CEP85: variants seen among roughly 807,000 people sequenced by gnomAD.
The protein encoded by CEP85 is centrosomal protein 85.
Under a neutral mutation model 93.7 loss-of-function variants are expected in CEP85, and 58 were observed. That is an observed-to-expected ratio of 0.62 (90% CI 0.50 to 0.77). The LOEUF (loss-of-function observed/expected upper bound fraction) is 0.77. Among genes scored for constraint, CEP85 ranks in the 30% least tolerant of loss-of-function variants. CEP85 has a pLI of 0.00. For missense variants in CEP85, 868 were observed against 922.0 expected (o/e 0.94, Z 0.76); for synonymous variants, 314 against 338.6 (o/e 0.93, Z 0.80).
At position 26,250,927 on chromosome 1, in the gene CEP85, TTTTTC is replaced by T. The variant is rs1235543113; in HGVS notation, c.209-4239_209-4235del. 1.6e-3 allele frequency among the ~76,000 whole-genome samples: 17 copies of T among 10,338 alleles called. 4 individuals carry two copies. The highest frequency in any genetic ancestry group is 3.6e-3 in the African/African-American group (12 of 3,356). 6.8% of individuals were successfully genotyped at this position (10,338 alleles called of 152,430 possible). On this transcript the variant is annotated intron_variant, in intron 3 of 13. Coordinates refer to ENST00000451429, the MANE Select transcript of CEP85 (RefSeq NM_001319944.2). ...AGCCAAGCTTGCCTTTTTTTTTTCT[TTTTTC>T]TTTTTTTTTTTTTTTTTTTTTTTTT...
In CEP85 at chr1:26,244,200, G is replaced by T; in HGVS notation, c.90G>T (p.Gly30=). The change falls in exon 3 of 14, where the codon GGG becomes GGT. Residue 30 remains glycine (G), a synonymous_variant. Transcript: ENST00000451429. ...TGATTCAGAAGGGCAGTTCCCTGGG[G>T]ACTGAATGGCAGACCCCAGTTATCT... ...SDVIQKGSSL[G]TEWQTPVISE... is the part of the protein sequence containing the mutation. 6.2e-7 allele frequency: 1 copy of T among 1,613,670 alleles called. No homozygotes were observed. The highest frequency in any genetic ancestry group is 1.1e-5 in the South Asian group (1 of 90,986).
chr1:26,260,775 A>G (rs2124591252), intron 7 of CEP85, among the ~76,000 whole-genome samples: 1 of 151,848 alleles, frequency 6.6e-6, no homozygotes, highest in African/African-American at 2.4e-5. Flanking sequence ...TCTAGGAGGA[A>G]GCCTGAGATC....
At chr1:26,256,906 T>G (rs532415315) in intron 4 of CEP85, among the ~76,000 whole-genome samples, 3 of 105,044 alleles carry the variant, frequency 2.9e-5, no homozygotes, top group Admixed American at 2.8e-4. Context: ...TGTATTTTCC[T>G]TTTTTTGTTT....
intron 7 of CEP85, among the ~76,000 whole-genome samples, chr1:26,264,110 A>G (rs57684928): frequency 0.15 from 22,506 of 152,094 alleles, 1,895 homozygotes; most frequent in African/African-American, 0.21. Flanking sequence ...GACAGTATTG[A>G]TTGTAATTGT....
intron 6 of CEP85, among the ~76,000 whole-genome samples, chr1:26,258,639 C>T (rs894218666): frequency 9.2e-5 from 14 of 151,904 alleles, no homozygotes; most frequent in Non-Finnish European, 1.6e-4. Flanking sequence ...CTCTGTCACC[C>T]AGGCTGGAGT....
At chr1:26,241,656 G>A in intron 2 of CEP85, among the ~76,000 whole-genome samples, 1 of 152,072 alleles carries the variant, frequency 6.6e-6, no homozygotes, top group East Asian at 1.9e-4. Context: ...CCTTTCCTAT[G>A]GCTTTTTTCT....
chr1:26,256,109 C>A, intron 4 of CEP85, among the ~76,000 whole-genome samples: 1 of 152,248 alleles, frequency 6.6e-6, no homozygotes, highest in Middle Eastern at 3.4e-3. Context: ...CGTATTTATA[C>A]GTCACTAGGC....
At chr1:26,265,713 C>G (rs1290076118) in intron 7 of CEP85, among the ~76,000 whole-genome samples, 1 of 152,172 alleles carries the variant, frequency 6.6e-6, no homozygotes, top group East Asian at 1.9e-4. Context: ...TCTGTAACTC[C>G]CACTGCAGAT....
At chr1:26,235,675 C>T (rs935263671) in intron 1 of CEP85, among the ~76,000 whole-genome samples, 1 of 147,912 alleles carries the variant, frequency 6.8e-6, no homozygotes, top group African/African-American at 2.5e-5. Context: ...CAGGTTCAAG[C>T]GATTCTCCTG....
chr1:26,238,351 C>T (rs2089364349), intron 1 of CEP85, among the ~76,000 whole-genome samples: 1 of 151,918 alleles, frequency 6.6e-6, no homozygotes, highest in South Asian at 2.1e-4. Context: ...CAGGCGCCTG[C>T]CACCATGCCT....
chr1:26,235,932 G>C (rs1461671405), intron 1 of CEP85, among the ~76,000 whole-genome samples: 1 of 152,174 alleles, frequency 6.6e-6, no homozygotes, highest in Non-Finnish European at 1.5e-5. Context: ...TCTAATTCTT[G>C]GGTAGCAACT....
Position 26,255,313 on chromosome 1 carries a change from A to T in CEP85, c.351A>T (p.Lys117Asn). Residue 117 changes from lysine (K) to asparagine (N), a missense_variant, in exon 4 of 14, where the codon AAA becomes AAT. Coordinates refer to ENST00000451429, the MANE Select transcript of CEP85 (RefSeq NM_001319944.2). ...CACCTGTTGGACCCTCTTCCTCTAAACTCCCTTTGTCAGGGTTGGCTGAAA... is the reference window on the plus strand; with the variant it reads ...CACCTGTTGGACCCTCTTCCTCTAATCTCCCTTTGTCAGGGTTGGCTGAAA... ...NSTPVGPSSSKLPLSGLAESV... is the reference protein window; with the variant it reads ...NSTPVGPSSSNLPLSGLAESV... The T allele has an allele frequency of 1.2e-6, 2 of 1,613,686 alleles. No homozygotes were observed. Among genetic ancestry groups the T allele is most frequent in the Non-Finnish European group, 1.7e-6 (2 of 1,179,954 alleles).
chr1:26,271,875 C>T (rs567945213), intron 10 of CEP85, 146 bp from the exon 11 acceptor site: 1 of 682,534 alleles, frequency 1.5e-6, no homozygotes, highest in South Asian at 1.7e-5. Context: ...GTTTATATTC[C>T]TATAGGTAGA....
intron 3 of CEP85, among the ~76,000 whole-genome samples, chr1:26,245,130 A>G (rs941107488): frequency 6.6e-6 from 1 of 151,416 alleles, no homozygotes; most frequent in African/African-American, 2.4e-5. Context: ...CTGCAGCCGT[A>G]AACTCCTAGG....
intron 4 of CEP85, among the ~76,000 whole-genome samples, chr1:26,256,856 G>A (rs945181887): frequency 6.0e-5 from 9 of 151,132 alleles, no homozygotes; most frequent in African/African-American, 9.7e-5. Flanking sequence ...CTCAGCCTCC[G>A]AAAGTGCTGG....
intron 3 of CEP85, among the ~76,000 whole-genome samples, chr1:26,247,941 G>T (rs11808476): frequency 0.15 from 23,482 of 152,130 alleles, 2,098 homozygotes; most frequent in African/African-American, 0.23. Context: ...GATTACAGGT[G>T]TGAGCCACTG....
chr1:26,275,651 G>C (rs1307229807), intron 12 of CEP85, among the ~76,000 whole-genome samples: 5 of 152,156 alleles, frequency 3.3e-5, no homozygotes, highest in African/African-American at 1.2e-4. Context: ...TGGGGTTGGG[G>C]AGTGGAGAGT....
intron 3 of CEP85, among the ~76,000 whole-genome samples, chr1:26,248,159 T>A (rs889473428): frequency 6.6e-6 from 1 of 152,176 alleles, no homozygotes; most frequent in Non-Finnish European, 1.5e-5. Context: ...GTTATCAGAT[T>A]CTGGTCTCCT....
intron 1 of CEP85, among the ~76,000 whole-genome samples, chr1:26,238,774 T>C (rs541130518): frequency 2.0e-4 from 31 of 152,316 alleles, no homozygotes; most frequent in Admixed American, 5.9e-4. Flanking sequence ...TAACTTAATG[T>C]TTAGTGGGTT....
Sources: gnomAD v4.1 joint callset for allele counts (sites outside exome capture counted in the v4.1 genomes callset) on GRCh38, gnomAD v4.1.1 for gene constraint, MANE v1.5 for transcripts, NCBI Gene and HGNC (gene_info 2026-07-23, HGNC 2026-07-21) for gene names.